CACHD1: variants seen among roughly 807,000 people sequenced by gnomAD.
CACHD1 encodes cache domain containing 1.
In CACHD1, 71 loss-of-function variants were observed where a neutral mutation model predicts 138.7. That is an observed-to-expected ratio of 0.51 (90% CI 0.42 to 0.62). The LOEUF (loss-of-function observed/expected upper bound fraction) is 0.62, where lower values mean the gene tolerates loss of function less well. CACHD1 is among the 20% of genes least tolerant of loss of function. The pLI is 0.00. For missense variants in CACHD1, 1,389 were observed against 1,625.3 expected (o/e 0.85, Z 2.50); for synonymous variants, 578 against 591.5 (o/e 0.98, Z 0.33).
chr1:64,529,772 T>C (rs529103664), intron 1 of CACHD1, among the ~76,000 whole-genome samples: 6 of 152,304 alleles, frequency 3.9e-5, no homozygotes, highest in African/African-American at 1.2e-4. Context: ...ATGTTATGTT[T>C]TCATTTTTGC....
intron 23 of CACHD1, 118 bp from the exon 24 acceptor site, chr1:64,679,477 A>G (rs1023217017): frequency 9.3e-7 from 1 of 1,079,830 alleles, no homozygotes; most frequent in Non-Finnish European, 1.4e-6. Flanking sequence ...CTAACTAAGC[A>G]TCTGTTTATC....
At chr1:64,547,660 C>T (rs1377233848) in intron 1 of CACHD1, among the ~76,000 whole-genome samples, 1 of 152,132 alleles carries the variant, frequency 6.6e-6, no homozygotes, top group Non-Finnish European at 1.5e-5. Context: ...AGCCACCGCA[C>T]CCAGCCTAAG....
intron 25 of CACHD1, among the ~76,000 whole-genome samples, chr1:64,681,610 C>T (rs1489981466): frequency 1.9e-5 from 2 of 107,978 alleles, no homozygotes; most frequent in Non-Finnish European, 3.7e-5. Context: ...TCCTTTGTTT[C>T]TCTTGCTCAT....
intron 2 of CACHD1, among the ~76,000 whole-genome samples, chr1:64,568,368 G>C (rs759676742): frequency 6.6e-6 from 1 of 151,550 alleles, no homozygotes; most frequent in Non-Finnish European, 1.5e-5. Flanking sequence ...GCTTCTGTTA[G>C]TATGGTTTCC....
chr1:64,633,950 C>T, intron 6 of CACHD1, 94 bp from the exon 7 acceptor site: 1 of 907,128 alleles, frequency 1.1e-6, no homozygotes, highest in Non-Finnish European at 1.7e-6. Context: ...TGTAGGCCTT[C>T]TTACTCCTTG....
intron 1 of CACHD1, among the ~76,000 whole-genome samples, chr1:64,536,500 C>T (rs182021007): frequency 9.2e-5 from 14 of 152,200 alleles, no homozygotes; most frequent in Admixed American, 7.8e-4. Context: ...AAATAAATAT[C>T]GTTTAGTTTC....
chr1:64,568,328 G>A (rs974524007), intron 2 of CACHD1, among the ~76,000 whole-genome samples: 1 of 152,092 alleles, frequency 6.6e-6, no homozygotes, highest in Non-Finnish European at 1.5e-5. Context: ...TAACAACTTG[G>A]CATTCTTAGT....
chr1:64,675,647 CAG>C (rs1649961286), intron 20 of CACHD1, 86 bp downstream of exon 20: 1 of 1,460,962 alleles, frequency 6.8e-7, no homozygotes, highest in South Asian at 1.3e-5. Context: ...GCAAAATAAA[CAG>C]AAAGTGCTGG....
At chr1:64,681,193 G>A (rs982467027) in intron 24 of CACHD1, 65 bp from the exon 25 acceptor site, 7 of 1,198,988 alleles carry the variant, frequency 5.8e-6, no homozygotes, top group African/African-American at 1.5e-5. Context: ...TGCTCAGCAG[G>A]GTATTAAAGC....
intron 3 of CACHD1, among the ~76,000 whole-genome samples, chr1:64,590,485 A>C (rs1040206350): frequency 1.3e-5 from 2 of 152,128 alleles, no homozygotes; most frequent in African/African-American, 4.8e-5. Context: ...AAGTTCTTTA[A>C]GTATTATTGA....
intron 1 of CACHD1, among the ~76,000 whole-genome samples, chr1:64,526,707 G>A (rs778661870): frequency 6.6e-6 from 1 of 152,170 alleles, no homozygotes; most frequent in Non-Finnish European, 1.5e-5. Context: ...TTCCCTGTAA[G>A]TCAGAAACCT....
intron 25 of CACHD1, among the ~76,000 whole-genome samples, chr1:64,681,756 G>A (rs1650199227): frequency 6.6e-6 from 1 of 151,930 alleles, no homozygotes; most frequent in Admixed American, 6.6e-5. Flanking sequence ...TTAGTGTTAA[G>A]ACACCCTGGC....
chr1:64,656,208 A>G (rs937018831), intron 12 of CACHD1, among the ~76,000 whole-genome samples: 1 of 152,162 alleles, frequency 6.6e-6, no homozygotes, highest in Non-Finnish European at 1.5e-5. Flanking sequence ...TAATAAATGA[A>G]ACTATTTGAG....
intron 5 of CACHD1, among the ~76,000 whole-genome samples, chr1:64,632,288 G>T (rs977500719): frequency 4.3e-5 from 6 of 140,940 alleles, no homozygotes; most frequent in Non-Finnish European, 9.1e-5. Flanking sequence ...AGAGAGAAAA[G>T]CAGGATGTTA....
At chr1:64,519,794 G>A (rs987781767) in intron 1 of CACHD1, among the ~76,000 whole-genome samples, 3 of 145,210 alleles carry the variant, frequency 2.1e-5, no homozygotes, top group African/African-American at 7.4e-5. Context: ...CCTGTTGTAA[G>A]CTGATCTAAG....
At chr1:64,514,996 G>A (rs1646448560) in intron 1 of CACHD1, among the ~76,000 whole-genome samples, 1 of 152,164 alleles carries the variant, frequency 6.6e-6, no homozygotes, top group Admixed American at 6.5e-5. Flanking sequence ...TCTTGACTAT[G>A]TGTAATCTCT....
At chr1:64,576,481 CT>C (rs1234493812) in intron 2 of CACHD1, among the ~76,000 whole-genome samples, 1 of 150,586 alleles carries the variant, frequency 6.6e-6, no homozygotes, top group Non-Finnish European at 1.5e-5. Context: ...ACAGAGATTC[CT>C]TTTAGAGGGA....
At chr1:64,549,599 T>C (rs959837045) in intron 1 of CACHD1, among the ~76,000 whole-genome samples, 3 of 152,102 alleles carry the variant, frequency 2.0e-5, no homozygotes, top group African/African-American at 7.2e-5. Flanking sequence ...GCTTCACTTA[T>C]CTTCTGTACC....
chr1:64,511,456 A>C (rs1646419987), intron 1 of CACHD1, among the ~76,000 whole-genome samples: 1 of 152,222 alleles, frequency 6.6e-6, no homozygotes, highest in Non-Finnish European at 1.5e-5. Flanking sequence ...GAAAATAAAC[A>C]ACCATCAGGT....
Sources: gnomAD v4.1 joint callset for allele counts (sites outside exome capture counted in the v4.1 genomes callset) on GRCh38, gnomAD v4.1.1 for gene constraint, MANE v1.5 for transcripts, NCBI Gene and HGNC (gene_info 2026-07-23, HGNC 2026-07-21) for gene names.